The following MPHOSPH9 variants were observed in gnomAD, a reference collection of about 807,000 sequenced individuals.
MPHOSPH9 encodes M-phase phosphoprotein 9.
A neutral mutation model predicts 145.5 loss-of-function variants in MPHOSPH9; 88 were observed. The ratio of observed to expected loss-of-function variants is 0.60; its 90% CI spans 0.51 to 0.72. The LOEUF (loss-of-function observed/expected upper bound fraction) is 0.72, where lower values mean the gene tolerates loss of function less well. Ranked by LOEUF, MPHOSPH9 falls within the 30% of genes least tolerant of loss-of-function variation. MPHOSPH9 has a pLI of 0.00. For synonymous variants in MPHOSPH9, 435 were observed against 486.2 expected (o/e 0.89, Z 1.39); for missense variants, 1,238 against 1,386.6 (o/e 0.89, Z 1.70).
chr12:123,242,499 A>G (rs886345843), intron 1 of MPHOSPH9, among the ~76,000 whole-genome samples: 2 of 152,156 alleles, frequency 1.3e-5, no homozygotes, highest in African/African-American at 2.4e-5. Flanking sequence ...CCTTTGGGGA[A>G]GTGGAACCAT....
At chr12:123,234,073 A>G (rs1051583104), upstream of MPHOSPH9, 3 of 153,450 alleles carry the variant, frequency 2.0e-5, no homozygotes, top group African/African-American at 7.2e-5. Flanking sequence ...AAGTGCTGGG[A>G]TCACAGGCGC....
rs578081010 is a variant in MPHOSPH9 at position 123,208,408 on chromosome 12, G to T, written c.1194+1648C>A. On this transcript the variant is annotated intron_variant, in intron 8 of 23. Coordinates refer to ENST00000606320, the MANE Select transcript of MPHOSPH9 (RefSeq NM_022782.4). ...AAAAATTAGCTGGGCGTGGTGGCAT[G>T]TGCCTGTAGACCCAGCTACTCGGGA... is the stretch of plus-strand genomic sequence containing the variant. 3.1e-4 allele frequency among the ~76,000 whole-genome samples: 47 copies of T among 150,026 alleles called. No homozygotes were observed. The South Asian group carries it at 9.3e-3, about 30-fold the overall frequency.
At chr12:123,224,921 G>A (rs983818378) in intron 3 of MPHOSPH9, among the ~76,000 whole-genome samples, 1 of 152,164 alleles carries the variant, frequency 6.6e-6, no homozygotes, top group Admixed American at 6.5e-5. Context: ...AATTCACAGT[G>A]AGTACATACA....
Position 123,186,011 on chromosome 12 carries a change from G to A in MPHOSPH9, c.2242-4801C>T, listed in dbSNP as rs1440187135. Among the ~76,000 whole-genome samples the A allele has an allele frequency of 2.0e-5, 3 of 152,066 alleles. No individual in the cohort carries two copies. The South Asian group carries it at 6.2e-4, about 32-fold the overall frequency. On this transcript the variant is annotated intron_variant, in intron 13 of 23. Transcript: ENST00000606320. ...GGAGGCCGAGGCGGGTGGATCACGA[G>A]GTCAGGAGTTCGAGACCAGCCTGAC...
At chr12:123,206,399 C>G (rs2046433734) in intron 8 of MPHOSPH9, among the ~76,000 whole-genome samples, 1 of 151,408 alleles carries the variant, frequency 6.6e-6, no homozygotes, top group African/African-American at 2.4e-5. Context: ...GAGGTTGAGT[C>G]TGCAGTTATC....
intron 23 of MPHOSPH9, among the ~76,000 whole-genome samples, chr12:123,157,951 T>C (rs2043941303): frequency 6.6e-6 from 1 of 152,194 alleles, no homozygotes; most frequent in Non-Finnish European, 1.5e-5. Context: ...TCCTGTTTTT[T>C]CTGCATACAT....
chr12:123,171,334 G>A lies in MPHOSPH9; in HGVS notation c.2457-4545C>T, dbSNP rs2044570787. ...GCAGGCATGGTGGCACGTGCCTGTA[G>A]TACCAGCTACTCGGGAGGCTGAGGT... On this transcript the variant is annotated intron_variant, in intron 16 of 23. Transcript: ENST00000606320. Among the ~76,000 whole-genome samples the A allele has an allele frequency of 1.3e-5, 2 of 151,854 alleles. 1 individual carries two copies. The highest frequency in any genetic ancestry group is 4.8e-5 in the African/African-American group (2 of 41,312).
chr12:123,209,404 A>G (rs2138438182), intron 8 of MPHOSPH9, among the ~76,000 whole-genome samples: 1 of 151,034 alleles, frequency 6.6e-6, no homozygotes, highest in South Asian at 2.1e-4. Flanking sequence ...ACACAAACAC[A>G]CACAGTTTTT....
rs1296130673 is a variant in MPHOSPH9, at chr12:123,187,534, C to T, written c.2242-6324G>A. Among the ~76,000 whole-genome samples, 42 of 152,004 alleles carry T rather than the reference C, an allele frequency of 2.8e-4. No individual in the cohort carries two copies. The South Asian group carries it at 8.5e-3, about 31-fold the overall frequency. The stretch of plus-strand genomic sequence containing the variant: ...AATATTTGTATGAAACAAAACAAAG[C>T]CAAGAAATAGGCAAAATAATTTTTA... On this transcript the variant is annotated intron_variant, in intron 13 of 23. Transcript: ENST00000606320.
chr12:123,205,894 T>C (rs906613045), intron 8 of MPHOSPH9, among the ~76,000 whole-genome samples: 3 of 152,144 alleles, frequency 2.0e-5, no homozygotes, highest in African/African-American at 4.8e-5. Flanking sequence ...ATTGGCCAAA[T>C]AGGTATCAGC....
intron 11 of MPHOSPH9, among the ~76,000 whole-genome samples, chr12:123,198,962 T>G (rs139127341): frequency 6.6e-6 from 1 of 152,002 alleles, no homozygotes; most frequent in African/African-American, 2.4e-5. Flanking sequence ...AAATTAAATT[T>G]GGATTTGGGA....
At chr12:123,234,408 G>C (rs895594084), upstream of MPHOSPH9, among the ~76,000 whole-genome samples, 1 of 150,424 alleles carries the variant, frequency 6.6e-6, no homozygotes, top group Non-Finnish European at 1.5e-5. Context: ...GGGGAGGGGG[G>C]TAGGGGGGAC....
downstream of MPHOSPH9, chr12:123,154,161 CTTTCT>C (rs1171710712): frequency 2.0e-5 from 3 of 151,528 alleles, no homozygotes; most frequent in Non-Finnish European, 2.9e-5. Context: ...GGAGAGTTCA[CTTTCT>C]ATTTGCATTT....
intron 13 of MPHOSPH9, among the ~76,000 whole-genome samples, chr12:123,189,545 T>C (rs531971522): frequency 1.3e-5 from 2 of 152,272 alleles, no homozygotes; most frequent in East Asian, 1.9e-4. Context: ...AGCCACATGA[T>C]GGACGACACA....
At position 123,196,192 on chromosome 12, in the gene MPHOSPH9, A is replaced by C. The variant is rs371079103; in HGVS notation, c.2026-1591T>G. ...TAGTGAAATCCCATCTCTACTAAAA[A>C]TACAAAAATTAGCCGGGCTTGGTGG... On this transcript the variant is annotated intron_variant, in intron 12 of 23. Coordinates refer to ENST00000606320, the MANE Select transcript of MPHOSPH9 (RefSeq NM_022782.4). Among the ~76,000 whole-genome samples the C allele has an allele frequency of 3.3e-5, 5 of 152,090 alleles. No individual in the cohort carries two copies. The East Asian group carries it at 7.7e-4, about 23-fold the overall frequency.
chr12:123,227,128 A>G (rs2047468326), intron 3 of MPHOSPH9, among the ~76,000 whole-genome samples: 1 of 152,218 alleles, frequency 6.6e-6, no homozygotes. Context: ...TTTCAAAATG[A>G]TGACAATTCC....
At chr12:123,171,598 A>T (rs1436276479) in intron 16 of MPHOSPH9, among the ~76,000 whole-genome samples, 1 of 151,806 alleles carries the variant, frequency 6.6e-6, no homozygotes, top group African/African-American at 2.4e-5. Context: ...AAAATACAAA[A>T]ATTAACCAGG....
intron 11 of MPHOSPH9, among the ~76,000 whole-genome samples, chr12:123,198,644 T>C (rs1406685264): frequency 6.6e-6 from 1 of 151,626 alleles, no homozygotes; most frequent in Admixed American, 6.6e-5. Flanking sequence ...ACCCTATCTC[T>C]ACTAAAAATA....
intron 12 of MPHOSPH9, among the ~76,000 whole-genome samples, chr12:123,196,588 C>T (rs1199156412): frequency 6.6e-6 from 1 of 151,840 alleles, no homozygotes; most frequent in Non-Finnish European, 1.5e-5. Context: ...AAAAAAGTTA[C>T]CTGTAAAAAA....
Sources: gnomAD v4.1 joint callset for allele counts (sites outside exome capture counted in the v4.1 genomes callset) on GRCh38, gnomAD v4.1.1 for gene constraint, MANE v1.5 for transcripts, NCBI Gene and HGNC (gene_info 2026-07-23, HGNC 2026-07-21) for gene names.